The following RGS6 variants were observed in gnomAD, a reference collection of about 807,000 sequenced individuals.
The protein encoded by RGS6 is regulator of G-protein signaling 6.
Under a neutral mutation model 78.5 loss-of-function variants are expected in RGS6, and 30 were observed. The observed-to-expected ratio is 0.38, with a 90% CI of 0.29 to 0.52. RGS6 has a LOEUF of 0.52. Ranked by LOEUF, RGS6 falls within the 20% of genes least tolerant of loss-of-function variation. The probability of loss-of-function intolerance (pLI) is 0.85; values close to 1 mark genes in which losing one functional copy is unlikely to be tolerated. For synonymous variants in RGS6, 206 were observed against 206.0 expected, an observed-to-expected ratio of 1.00 and a Z score of 0.00; for missense variants, 495 against 609.7, an observed-to-expected ratio of 0.81 and a Z score of 1.98.
At chr14:72,296,216 A>G (rs769470185) in intron 2 of RGS6, among the ~76,000 whole-genome samples, 2 of 152,188 alleles carry the variant, frequency 1.3e-5, no homozygotes, top group Non-Finnish European at 2.9e-5. Context: ...ATGCCTGAGT[A>G]GTGTTCCATT....
At chr14:72,238,149 A>C (rs1181985037) in intron 2 of RGS6, among the ~76,000 whole-genome samples, 1 of 152,164 alleles carries the variant, frequency 6.6e-6, no homozygotes, top group African/African-American at 2.4e-5. Flanking sequence ...CTCTTCTCCA[A>C]AGTTGTTCTC....
At chr14:72,108,190 T>G (rs568273493) in intron 2 of RGS6, among the ~76,000 whole-genome samples, 1 of 152,284 alleles carries the variant, frequency 6.6e-6, no homozygotes, top group African/African-American at 2.4e-5. Context: ...AATGTTCATT[T>G]TTGCTTGGAT....
intron 2 of RGS6, among the ~76,000 whole-genome samples, chr14:72,106,058 T>A (rs573519467): frequency 3.1e-4 from 47 of 152,292 alleles, no homozygotes; most frequent in Non-Finnish European, 6.3e-4. Flanking sequence ...GAGGTCGCAG[T>A]GGGATATTTA....
At chr14:71,921,397 A>G in the RGS6 span, among the ~76,000 whole-genome samples, 1 of 152,254 alleles carries the variant, frequency 6.6e-6, no homozygotes, top group East Asian at 1.9e-4. Flanking sequence ...TGGAATTTGT[A>G]TTTTGAAGAG....
chr14:72,565,136 C>T lies in RGS6; in HGVS notation c.*2669C>T, dbSNP rs187042917. The T allele has an allele frequency of 1.3e-5, 2 of 152,384 alleles. No individual in the cohort carries two copies. The highest frequency in any genetic ancestry group is 4.8e-5 in the African/African-American group (2 of 41,558). 9.4% of individuals were successfully genotyped at this position (152,384 alleles called of 1,614,324 possible). A position where few individuals can be genotyped will look rare whatever the true frequency, so the allele number is the denominator to read the frequency against. On this transcript the variant is annotated 3_prime_UTR_variant, in exon 18 of 18. Transcript: ENST00000553525. ...GGCAATTCTGTAGCAAAGCAAATTC[C>T]CCTACCCCGTCCCTTCCCCCTAGAA...
the RGS6 span, among the ~76,000 whole-genome samples, chr14:72,603,700 T>G: frequency 2.1e-5 from 1 of 48,370 alleles, no homozygotes; most frequent in African/African-American, 7.6e-5. Context: ...CAGGGATAGG[T>G]AAAACATAGA....
intron 3 of RGS6, among the ~76,000 whole-genome samples, chr14:72,447,037 G>A (rs774657949): frequency 2.0e-5 from 3 of 152,196 alleles, no homozygotes; most frequent in Non-Finnish European, 4.4e-5. Context: ...TGAGCTAGAG[G>A]AAGAGGTGGG....
At chr14:72,164,076 G>C (rs926813695) in intron 2 of RGS6, among the ~76,000 whole-genome samples, 1 of 152,074 alleles carries the variant, frequency 6.6e-6, no homozygotes, top group Non-Finnish European at 1.5e-5. Flanking sequence ...TTTTGTGGGG[G>C]AAATAATGTG....
intron 17 of RGS6, among the ~76,000 whole-genome samples, chr14:72,543,202 T>C (rs1385235659): frequency 6.6e-6 from 1 of 152,194 alleles, no homozygotes; most frequent in Non-Finnish European, 1.5e-5. Context: ...TCATCCAAAA[T>C]GGAAAACAAG....
At chr14:72,310,888 T>G (rs562264890) in intron 2 of RGS6, among the ~76,000 whole-genome samples, 1 of 152,342 alleles carries the variant, frequency 6.6e-6, no homozygotes, top group African/African-American at 2.4e-5. Context: ...AGTTCAGAAT[T>G]CATAGGTACC....
At chr14:72,275,176 T>C (rs776918678) in intron 2 of RGS6, among the ~76,000 whole-genome samples, 18 of 152,344 alleles carry the variant, frequency 1.2e-4, no homozygotes, top group Non-Finnish European at 1.9e-4. Context: ...GAAGGTAGCA[T>C]TACTATTTCA....
intron 2 of RGS6, among the ~76,000 whole-genome samples, chr14:71,995,299 T>A (rs1018148983): frequency 6.6e-6 from 1 of 152,228 alleles, no homozygotes; most frequent in African/African-American, 2.4e-5. Flanking sequence ...CCTTTGTTAC[T>A]GCATGGCTAT....
chr14:72,492,753 C>T (rs772648681), intron 12 of RGS6, among the ~76,000 whole-genome samples: 37 of 152,162 alleles, frequency 2.4e-4, no homozygotes, highest in Non-Finnish European at 4.8e-4. Flanking sequence ...GACATATATA[C>T]CCACAGGCAA....
At chr14:72,282,191 C>T (rs544157859) in intron 2 of RGS6, among the ~76,000 whole-genome samples, 9 of 152,232 alleles carry the variant, frequency 5.9e-5, no homozygotes, top group East Asian at 3.9e-4. Flanking sequence ...TTGTGGCAGC[C>T]GTGAGAGATG....
chr14:72,117,395 T>G (rs1011954546), intron 2 of RGS6, among the ~76,000 whole-genome samples: 1 of 152,094 alleles, frequency 6.6e-6, no homozygotes, highest in Non-Finnish European at 1.5e-5. Flanking sequence ...CCGTTCTCTC[T>G]CTTGCTCCAG....
intron 2 of RGS6, among the ~76,000 whole-genome samples, chr14:71,995,209 C>A (rs2095144710): frequency 6.6e-6 from 1 of 152,190 alleles, no homozygotes; most frequent in African/African-American, 2.4e-5. Flanking sequence ...GGAATTCTTC[C>A]CTTTTCTCAT....
chr14:71,969,070 C>T (rs903837066), intron 2 of RGS6, among the ~76,000 whole-genome samples: 3 of 152,118 alleles, frequency 2.0e-5, no homozygotes, highest in African/African-American at 7.2e-5. Context: ...TGAGAAGATG[C>T]AGTGTTTGGT....
chr14:72,515,410 C>T (rs1218045154), intron 14 of RGS6, among the ~76,000 whole-genome samples: 2 of 152,224 alleles, frequency 1.3e-5, no homozygotes, highest in Non-Finnish European at 1.5e-5. Flanking sequence ...TCACGCCTGT[C>T]ATCCCAGCAC....
chr14:72,164,637 G>T (rs1387316207), intron 2 of RGS6, among the ~76,000 whole-genome samples: 1 of 152,186 alleles, frequency 6.6e-6, no homozygotes, highest in Non-Finnish European at 1.5e-5. Flanking sequence ...TGAAGTGGCA[G>T]GGTGCAGTTA....
Sources: allele counts gnomAD v4.1 joint callset (sites outside exome capture counted in the v4.1 genomes callset), GRCh38; gene constraint gnomAD v4.1.1; transcripts MANE v1.5; gene names NCBI Gene and HGNC (gene_info 2026-07-23, HGNC 2026-07-21).